The following SLC35B3 variants were observed in gnomAD, a reference collection of about 807,000 sequenced individuals.
SLC35B3 encodes solute carrier family 35 member B3, also known as adenosine 3'-phospho 5'-phosphosulfate transporter 2.
Under a neutral mutation model 44.1 loss-of-function variants are expected in SLC35B3, and 35 were observed. That is an observed-to-expected ratio of 0.79 (90% CI 0.61 to 1.05). The LOEUF (loss-of-function observed/expected upper bound fraction) is 1.05. Ranked by LOEUF, SLC35B3 falls within the 50% of genes least tolerant of loss-of-function variation. The pLI, the probability that SLC35B3 is intolerant of heterozygous loss-of-function variation, is 0.00. For missense variants in SLC35B3, 414 were observed against 476.4 expected (o/e 0.87, Z 1.22); for synonymous variants, 146 against 167.3 (o/e 0.87, Z 0.98).
chr6:8,417,265 T>G, intron 8 of SLC35B3, 137 bp downstream of exon 7: 1 of 643,242 alleles, frequency 1.6e-6, no homozygotes, highest in Non-Finnish European at 2.7e-6. Context: ...ATTTCTGAAA[T>G]TAATTTCCGA....
At chr6:8,426,444 T>A (rs76590327) in intron 4 of SLC35B3, among the ~76,000 whole-genome samples, 1 of 152,174 alleles carries the variant, frequency 6.6e-6, no homozygotes, top group Non-Finnish European at 1.5e-5. Flanking sequence ...ATTTGAATCA[T>A]GGGGGTGGTT....
chr6:8,431,180 A>T (rs577562453), intron 2 of SLC35B3, among the ~76,000 whole-genome samples: 1 of 152,338 alleles, frequency 6.6e-6, no homozygotes, highest in South Asian at 2.1e-4. Context: ...CCATGTAAAG[A>T]CTGAGGAAAG....
At position 8,412,950 on chromosome 6, in the gene SLC35B3, G is replaced by A. The variant is rs1038895322; in HGVS notation, c.*599C>T. 2.0e-5 allele frequency: 3 copies of A among 152,102 alleles called. No individual in the cohort carries two copies. Among genetic ancestry groups the A allele is most frequent in the African/African-American group, 7.2e-5 (3 of 41,400 alleles). 9.4% of individuals were successfully genotyped at this position (152,102 alleles called of 1,614,324 possible). ...GTACCAGTCCACGGCCTGGGTGGTT[G>A]GGAGCTCCTGCTCTAAAGAATAATT... On this transcript the variant is annotated 3_prime_UTR_variant, in exon 11 of 11. Coordinates refer to ENST00000644923, the MANE Select transcript of SLC35B3 (RefSeq NM_001370476.2).
intron 9 of SLC35B3, 73 bp from the exon 9 acceptor site, chr6:8,415,050 A>T: frequency 9.8e-7 from 1 of 1,024,816 alleles, no homozygotes; most frequent in South Asian, 1.5e-5. Flanking sequence ...TTATTCAGCA[A>T]ATATTTAGAC....
chr6:8,418,503 A>G (rs958060199), intron 7 of SLC35B3, among the ~76,000 whole-genome samples: 1 of 151,324 alleles, frequency 6.6e-6, no homozygotes, highest in Non-Finnish European at 1.5e-5. Flanking sequence ...ACACACACAT[A>G]ATTTTCCTAT....
rs746173254 is a variant in SLC35B3, at chr6:8,428,063, CA to C, written c.298-6del. The stretch of plus-strand genomic sequence containing the variant: ...CTCCACTGAAAATATTAATTCCTGT[CA>C]AAAGACACATGAACACTGTTAAGTC... On this transcript the variant is annotated splice_polypyrimidine_tract_variant and splice_region_variant and intron_variant, in intron 3 of 10. Transcript: ENST00000644923. 6.3e-7 allele frequency: 1 copy of C among 1,581,788 alleles called. No homozygotes were observed. Among genetic ancestry groups the C allele is most frequent in the Non-Finnish European group, 8.6e-7 (1 of 1,164,390 alleles).
chr6:8,416,570 T>C (rs776493056), intron 9 of SLC35B3, among the ~76,000 whole-genome samples: 1 of 152,192 alleles, frequency 6.6e-6, no homozygotes, highest in Non-Finnish European at 1.5e-5. Context: ...TAAAAGCATA[T>C]AAAGGCAGTA....
intron 9 of SLC35B3, among the ~76,000 whole-genome samples, chr6:8,416,458 T>C (rs1413519518): frequency 6.6e-6 from 1 of 152,194 alleles, no homozygotes; most frequent in East Asian, 1.9e-4. Flanking sequence ...GCTAATCTGG[T>C]TGATGTCCTA....
rs1362627500 is a variant in SLC35B3 at position 8,422,517 on chromosome 6, T to C, written c.527A>G (p.Lys176Arg). ...CATAACAGGAATCAATTTGCAGCACTTGAAGATGACTTGGGTAGGGTAATT... is the reference window on the plus strand; with the variant it reads ...CATAACAGGAATCAATTTGCAGCACCTGAAGATGACTTGGGTAGGGTAATT... Residue 176 changes from lysine (K) to arginine (R), a missense_variant, in exon 5 of 11, where the codon AAG becomes AGG. Lys to Arg is a conservative substitution (Grantham distance 26). Coordinates refer to ENST00000644923, the MANE Select transcript of SLC35B3 (RefSeq NM_001370476.2). The C allele has an allele frequency of 1.2e-6, 2 of 1,613,626 alleles. No homozygotes were observed. The highest frequency in any genetic ancestry group is 2.2e-5 in the East Asian group (1 of 44,846).
intron 5 of SLC35B3, 151 bp downstream of exon 4, chr6:8,422,319 T>C (rs1762967146): frequency 2.9e-6 from 2 of 680,274 alleles, no homozygotes; most frequent in Non-Finnish European, 4.8e-6. Context: ...GTTTTTAGAA[T>C]ACCTTATTTT....
chr6:8,430,010 T>C lies in SLC35B3; in HGVS notation c.151A>G (p.Lys51Glu), dbSNP rs770966789. 1 of 1,614,052 alleles carries C rather than the reference T, an allele frequency of 6.2e-7. No homozygotes were observed. The highest frequency in any genetic ancestry group is 8.5e-7 in the Non-Finnish European group (1 of 1,179,968). ...ATGTGTGGTGACATTGTTTGGGTTTTGGATGGCACAGTGATAGAAATATAT... is the reference window on the plus strand; with the variant it reads ...ATGTGTGGTGACATTGTTTGGGTTTCGGATGGCACAGTGATAGAAATATAT... The change falls in exon 3 of 11, where the codon AAA (lysine) becomes GAA (glutamate). Residue 51 changes from lysine (K) to glutamate (E), a missense_variant. By Grantham distance (56) the Lys-to-Glu change is moderately conservative. Coordinates refer to ENST00000644923, the MANE Select transcript of SLC35B3 (RefSeq NM_001370476.2).
Position 8,413,342 on chromosome 6 carries a change from A to G in SLC35B3, c.*207T>C. 2 of 470,640 alleles carry G rather than the reference A, an allele frequency of 4.2e-6. No individual in the cohort carries two copies. The highest frequency in any genetic ancestry group is 3.7e-6 in the Non-Finnish European group (1 of 268,592). 29.2% of individuals were successfully genotyped at this position (470,640 alleles called of 1,614,324 possible). On this transcript the variant is annotated 3_prime_UTR_variant, in exon 11 of 11. Coordinates refer to ENST00000644923, the MANE Select transcript of SLC35B3 (RefSeq NM_001370476.2). ...TTGACATTTTATTGTAAAGTCTGCTAGACGTGGCTCTCTTGATTGCTTTGG... is the reference window on the plus strand; with the variant it reads ...TTGACATTTTATTGTAAAGTCTGCTGGACGTGGCTCTCTTGATTGCTTTGG...
At position 8,420,941 on chromosome 6, in the gene SLC35B3, A is replaced by G. The variant is rs1762837141; in HGVS notation, c.575-113T>C. The G allele has an allele frequency of 4.3e-6, 3 of 696,392 alleles. No individual in the cohort carries two copies. The South Asian group carries it at 7.0e-5, about 16-fold the overall frequency. 43.1% of individuals were successfully genotyped at this position (696,392 alleles called of 1,614,324 possible). A position where few individuals can be genotyped will look rare whatever the true frequency, so the allele number is the denominator to read the frequency against. ...TGTTTTTTTATATCCAATGCCAAAA[A>G]CGTGAACACTTAGGTCAAGGCAGAA... On this transcript the variant is annotated intron_variant, in intron 5 of 10. Coordinates refer to ENST00000644923, the MANE Select transcript of SLC35B3 (RefSeq NM_001370476.2). This position sits in a 1 kb window ranked among gnomAD's most constrained non-coding sequence, Gnocchi z 4.4.
chr6:8,428,075 G>A lies in SLC35B3; in HGVS notation c.298-17C>T. 1 of 1,568,004 alleles carries A rather than the reference G, an allele frequency of 6.4e-7. No homozygotes were observed. Among genetic ancestry groups the A allele is most frequent in the Non-Finnish European group, 8.6e-7 (1 of 1,156,724 alleles). On this transcript the variant is annotated splice_polypyrimidine_tract_variant and intron_variant, in intron 3 of 10. Transcript: ENST00000644923. ...TATTAATTCCTGTCAAAAGACACAT[G>A]AACACTGTTAAGTCCAAGGCAGCAC...
chr6:8,425,557 A>G (rs1032837987), intron 4 of SLC35B3, among the ~76,000 whole-genome samples: 3 of 152,142 alleles, frequency 2.0e-5, no homozygotes, highest in Admixed American at 6.5e-5. Context: ...AATTGCTACA[A>G]TAATTTATTG....
Position 8,434,052 on chromosome 6 carries a change from T to TTTA in SLC35B3, c.3+332_3+333insTAA, listed in dbSNP as rs1554122971. Among the ~76,000 whole-genome samples, 1 of 150,200 alleles carries TTTA rather than the reference T, an allele frequency of 6.7e-6. No individual in the cohort carries two copies. Among genetic ancestry groups the TTTA allele is most frequent in the African/African-American group, 2.4e-5 (1 of 40,932 alleles). ...AACTAAAATATATATATATATATTTTAAAAATCACAGGTGTGTATAATTGC... is the reference window on the plus strand; with the variant it reads ...AACTAAAATATATATATATATATTTTTTAAAAAATCACAGGTGTGTATAATTGC... On this transcript the variant is annotated intron_variant, in intron 2 of 10. Coordinates refer to ENST00000644923, the MANE Select transcript of SLC35B3 (RefSeq NM_001370476.2). The surrounding 1 kb of genome is among the most constrained non-coding windows in gnomAD (Gnocchi z 6.3).
At chr6:8,430,653 A>T (rs1009088148) in intron 2 of SLC35B3, among the ~76,000 whole-genome samples, 1 of 152,218 alleles carries the variant, frequency 6.6e-6, no homozygotes, top group Middle Eastern at 3.4e-3. Flanking sequence ...GCTGAAGCAG[A>T]GAGGTTGCTT....
chr6:8,430,045 T>C lies in SLC35B3; in HGVS notation c.116A>G (p.Asn39Ser). 1 of 1,614,046 alleles carries C rather than the reference T, an allele frequency of 6.2e-7. No homozygotes were observed. Among genetic ancestry groups the C allele is most frequent in the Non-Finnish European group, 8.5e-7 (1 of 1,179,966 alleles). ...AGTGATAGAAATATATTTCCTGGAA[T>C]TGTTGAACTTGAGATCCATTGTTAT... Residue 39 changes from asparagine to serine, a missense_variant, in exon 3 of 11, where the codon AAT (asparagine) becomes AGT (serine). By Grantham distance (46) the Asn-to-Ser change is conservative. Transcript: ENST00000644923.
intron 4 of SLC35B3, among the ~76,000 whole-genome samples, chr6:8,426,701 T>C (rs1354211806): frequency 6.6e-6 from 1 of 152,052 alleles, no homozygotes; most frequent in African/African-American, 2.4e-5. Flanking sequence ...TAACAGTAAA[T>C]TGGTACCAGG....
Sources: gnomAD v4.1 joint callset for allele counts (sites outside exome capture counted in the v4.1 genomes callset) on GRCh38, gnomAD v4.1.1 for gene constraint, Gnocchi (gnomAD v3.1) non-coding constraint, MANE v1.5 for transcripts, NCBI Gene and HGNC (gene_info 2026-07-23, HGNC 2026-07-21) for gene names.